Variants in ALK observed in about 807,000 individuals in gnomAD.
ALK encodes the protein ALK receptor tyrosine kinase.
In ALK, 74 loss-of-function variants were observed where a neutral mutation model predicts 163.1. That is an observed-to-expected ratio of 0.45 (90% CI 0.38 to 0.55). ALK has a LOEUF of 0.55. Ranked by LOEUF, ALK falls within the 20% of genes least tolerant of loss-of-function variation. The probability of loss-of-function intolerance (pLI) is 0.00; values close to 1 mark genes in which losing one functional copy is unlikely to be tolerated. For missense variants in ALK, 2,063 were observed against 2,105.3 expected (o/e 0.98, Z 0.39); for synonymous variants, 960 against 843.2 (o/e 1.14, Z -2.40).
rs568064448 is a variant in ALK at position 29,390,062 on chromosome 2, C to T, written c.1155-6203G>A. 1.4e-3 allele frequency among the ~76,000 whole-genome samples: 210 copies of T among 152,264 alleles called. 1 individual carries two copies. The highest frequency in any genetic ancestry group is 0.01 in the Admixed American group (159 of 15,296). On this transcript the variant is annotated intron_variant, in intron 4 of 28. Coordinates refer to ENST00000389048, the MANE Select transcript of ALK (RefSeq NM_004304.5). ...AAACTTATTAAAGGTCTACTATATG[C>T]GCTGCTTATAACTGAGTTTAAAATG... is the stretch of plus-strand genomic sequence containing the variant.
At chr2:29,340,174 C>T (rs1266189885) in intron 5 of ALK, among the ~76,000 whole-genome samples, 7 of 152,224 alleles carry the variant, frequency 4.6e-5, no homozygotes, top group Admixed American at 4.6e-4. Context: ...CCATTCTGCA[C>T]CATACCTCCC....
chr2:29,229,586 T>C (rs1047552140), intron 15 of ALK, among the ~76,000 whole-genome samples: 3 of 152,178 alleles, frequency 2.0e-5, no homozygotes, highest in African/African-American at 7.2e-5. Context: ...CCCGTTGCTG[T>C]CTGTGAAACC....
At chr2:29,578,982 A>T (rs115761051) in intron 3 of ALK, among the ~76,000 whole-genome samples, 2,369 of 152,270 alleles carry the variant, frequency 0.016, 27 homozygotes, top group African/African-American at 0.031. Flanking sequence ...GGAGGGAGAA[A>T]GTCTAAAAAG....
intron 2 of ALK, among the ~76,000 whole-genome samples, chr2:29,707,031 T>TGTGTGTGTGTGTG (rs1678931928): frequency 4.8e-5 from 3 of 63,030 alleles, no homozygotes; most frequent in East Asian, 4.9e-4. Context: ...GTGTGTGTGT[T>TGTGTGTGTGTGTG]GGGTAAGGAA....
chr2:29,591,834 G>A (rs762391683), intron 3 of ALK, among the ~76,000 whole-genome samples: 4 of 151,042 alleles, frequency 2.6e-5, no homozygotes, highest in Non-Finnish European at 4.4e-5. Context: ...TCTCGGTGTC[G>A]TCAGAGCTGA....
At chr2:29,874,161 CTTG>C (rs1480893650) in intron 1 of ALK, among the ~76,000 whole-genome samples, 1 of 152,154 alleles carries the variant, frequency 6.6e-6, no homozygotes, top group Non-Finnish European at 1.5e-5. Context: ...TACAGAAGCA[CTTG>C]TTGGTATGAC....
intron 3 of ALK, among the ~76,000 whole-genome samples, chr2:29,544,922 G>A (rs1673514632): frequency 6.6e-6 from 1 of 152,184 alleles, no homozygotes; most frequent in African/African-American, 2.4e-5. Context: ...ACTTGCCCAA[G>A]GTCACACAGC....
intron 1 of ALK, among the ~76,000 whole-genome samples, chr2:29,759,890 T>A (rs1680651401): frequency 6.6e-6 from 1 of 152,206 alleles, no homozygotes; most frequent in Non-Finnish European, 1.5e-5. Context: ...GCTTTGCCAA[T>A]ATGAAAGCAA....
intron 1 of ALK, among the ~76,000 whole-genome samples, chr2:29,901,887 TA>T (rs1448370897): frequency 6.6e-6 from 1 of 151,772 alleles, no homozygotes; most frequent in Non-Finnish European, 1.5e-5. Context: ...GAATTAGGGG[TA>T]GGGGGTGTGG....
At chr2:29,265,015 T>G (rs115330355) in intron 11 of ALK, among the ~76,000 whole-genome samples, 21 of 152,138 alleles carry the variant, frequency 1.4e-4, no homozygotes, top group Non-Finnish European at 2.4e-4. Flanking sequence ...CTGTTTTTTT[T>G]TTGTTGTTGT....
chr2:29,443,458 T>C (rs1670595373), intron 4 of ALK, among the ~76,000 whole-genome samples: 1 of 152,168 alleles, frequency 6.6e-6, no homozygotes, highest in Non-Finnish European at 1.5e-5. Context: ...ACTCATCTAC[T>C]TGCCACCGAG....
chr2:29,235,332 ACTT>A (rs1392363289), intron 13 of ALK, among the ~76,000 whole-genome samples: 1 of 152,190 alleles, frequency 6.6e-6, no homozygotes, highest in African/African-American at 2.4e-5. Context: ...TTCTTGAGCC[ACTT>A]CTTACGCTAA....
chr2:29,903,855 C>T (rs1049688030), intron 1 of ALK, among the ~76,000 whole-genome samples: 1 of 152,108 alleles, frequency 6.6e-6, no homozygotes, highest in Non-Finnish European at 1.5e-5. Context: ...GACCCTGCAA[C>T]TGTTTATAGA....
chr2:29,426,642 C>G lies in ALK; in HGVS notation c.1155-42783G>C, dbSNP rs112202549. Among the ~76,000 whole-genome samples, 833 of 152,070 alleles carry G rather than the reference C, an allele frequency of 5.5e-3. 5 individuals carry two copies. Among genetic ancestry groups the G allele is most frequent in the African/African-American group, 0.019 (788 of 41,464 alleles). ...AACACCAGACAATAATTAGACACCC[C>G]CTACCCACACACACACCAAAGAACA... On this transcript the variant is annotated intron_variant, in intron 4 of 28. Transcript: ENST00000389048.
chr2:29,467,912 ATATT>A (rs1489000221), intron 4 of ALK, among the ~76,000 whole-genome samples: 1 of 152,122 alleles, frequency 6.6e-6, no homozygotes, highest in African/African-American at 2.4e-5. Context: ...GTTATGTAAC[ATATT>A]TATTATTATT....
At chr2:29,897,481 C>A (rs1378830195) in intron 1 of ALK, among the ~76,000 whole-genome samples, 1 of 152,142 alleles carries the variant, frequency 6.6e-6, no homozygotes, top group Non-Finnish European at 1.5e-5. Flanking sequence ...TGCATTTGTT[C>A]TGTTACCAGG....
intron 1 of ALK, among the ~76,000 whole-genome samples, chr2:29,884,083 T>G (rs898646742): frequency 6.6e-6 from 1 of 152,202 alleles, no homozygotes; most frequent in Non-Finnish European, 1.5e-5. Flanking sequence ...ATGAAATTAA[T>G]TTTAGTTAAT....
chr2:29,383,398 C>T (rs924586530), intron 5 of ALK, among the ~76,000 whole-genome samples: 14 of 151,856 alleles, frequency 9.2e-5, no homozygotes, highest in Non-Finnish European at 1.8e-4. Context: ...CTCGCTGTGA[C>T]CTCTGTCTCC....
intron 4 of ALK, 150 bp downstream of exon 4, chr2:29,531,764 TA>T: frequency 2.4e-6 from 2 of 830,746 alleles, no homozygotes; most frequent in African/African-American, 1.7e-5. Context: ...AGACACTACC[TA>T]AGGGATATTA....
Sources: gnomAD v4.1 joint callset for allele counts (sites outside exome capture counted in the v4.1 genomes callset) on GRCh38, gnomAD v4.1.1 for gene constraint, MANE v1.5 for transcripts, NCBI Gene and HGNC (gene_info 2026-07-23, HGNC 2026-07-21) for gene names.